MAX: variants seen among roughly 807,000 people sequenced by gnomAD.
MAX encodes the protein MYC associated transcriptional regulator X, also known as protein max.
Under a neutral mutation model 22.3 loss-of-function variants are expected in MAX, and 3 were observed. That is an observed-to-expected ratio of 0.13 (90% CI 0.06 to 0.35). The LOEUF (loss-of-function observed/expected upper bound fraction) is 0.35. Ranked by LOEUF, MAX falls within the 10% of genes least tolerant of loss-of-function variation. The pLI is 1.00. For synonymous variants in MAX, 72 were observed against 77.7 expected (o/e 0.93, Z 0.39); for missense variants, 119 against 209.4 (o/e 0.57, Z 2.66).
chr14:65,077,632 C>T lies in MAX; in HGVS notation c.295+281G>A, dbSNP rs2063094526. On this transcript the variant is annotated intron_variant, in intron 4 of 4. Coordinates refer to ENST00000358664, the MANE Select transcript of MAX (RefSeq NM_002382.5). The surrounding 1 kb of genome is among the most constrained non-coding windows in gnomAD (Gnocchi z 6.3). Reference sequence around the variant, plus strand: ...CTGATGCCAGGTGTGATCCCTACTGCAGGCAGAGCACCTGAGCCCCAAGAA... The same window carrying T: ...CTGATGCCAGGTGTGATCCCTACTGTAGGCAGAGCACCTGAGCCCCAAGAA... 2 of 1,225,920 alleles carry T rather than the reference C, an allele frequency of 1.6e-6. No homozygotes were observed. Among genetic ancestry groups the T allele is most frequent in the African/African-American group, 3.0e-5 (2 of 66,618 alleles). The allele number at this position is 1,225,920 out of a possible 1,614,324, so 75.9% of individuals were successfully genotyped here.
In MAX at chr14:65,032,669, T is replaced by C. The variant is rs755355580; in HGVS notation, c.172-26385A>G. 1 of 1,613,740 alleles carries C rather than the reference T, an allele frequency of 6.2e-7. No individual in the cohort carries two copies. The highest frequency in any genetic ancestry group is 1.3e-5 in the African/African-American group (1 of 74,896). ...ACCAACATCATCACTCCAGACCTCTTTGAGGGCACTGCTGAATGGATAGCA... is the reference window on the plus strand; with the variant it reads ...ACCAACATCATCACTCCAGACCTCTCTGAGGGCACTGCTGAATGGATAGCA... On this transcript the variant is annotated intron_variant, in intron 3 of 3. Transcript: ENST00000341653. The surrounding 1 kb of genome is among the most constrained non-coding windows in gnomAD (Gnocchi z 5.0).
At chr14:65,067,397 G>A (rs919681625) in intron 3 of MAX, among the ~76,000 whole-genome samples, 26 of 152,008 alleles carry the variant, frequency 1.7e-4, no homozygotes, top group Admixed American at 1.7e-3. Context: ...AATTCCCCTA[G>A]TTTTTACCTA....
chr14:65,060,647 G>C (rs1446841315), intron 3 of MAX, among the ~76,000 whole-genome samples: 2 of 96,456 alleles, frequency 2.1e-5, no homozygotes, highest in Admixed American at 9.1e-5. Flanking sequence ...AGTGAGCCGA[G>C]ATCCCGCCAC....
intron 3 of MAX, among the ~76,000 whole-genome samples, chr14:65,090,827 T>G (rs1372831521): frequency 6.6e-6 from 1 of 152,192 alleles, no homozygotes; most frequent in African/African-American, 2.4e-5. Context: ...ATGTTTAATT[T>G]ATAGTAGAAA....
chr14:65,052,140 C>T (rs1408519831), intron 3 of MAX, among the ~76,000 whole-genome samples: 3 of 152,058 alleles, frequency 2.0e-5, no homozygotes, highest in African/African-American at 7.2e-5. Context: ...ATTTTTAGCT[C>T]AGTTCTTTTT....
At position 65,084,315 on chromosome 14, in the gene MAX, G is replaced by A. The variant is rs763615840; in HGVS notation, c.172-6279C>T. ...GGAAATAGAGCTAGTAAATAAACAT[G>A]TGGAAAAGCAATTAATTTCACAAGT... On this transcript the variant is annotated intron_variant, in intron 3 of 4. Coordinates refer to ENST00000358664, the MANE Select transcript of MAX (RefSeq NM_002382.5). This position sits in a 1 kb window ranked among gnomAD's most constrained non-coding sequence, Gnocchi z 4.3. 7.2e-7 allele frequency: 1 copy of A among 1,381,380 alleles called. No individual in the cohort carries two copies. The highest frequency in any genetic ancestry group is 1.2e-5 in the South Asian group (1 of 86,424). The allele number at this position is 1,381,380 out of a possible 1,614,324, so 85.6% of individuals were successfully genotyped here.
rs1230628682 is a variant in MAX at position 65,012,377 on chromosome 14, A to G, written c.172-6093T>C. On this transcript the variant is annotated intron_variant, in intron 3 of 3. Transcript: ENST00000341653. This position sits in a 1 kb window ranked among gnomAD's most constrained non-coding sequence, Gnocchi z 5.0. ...TGAAAAGAGGCCTTCGACAACTGAC[A>G]GATGCCTATGAGGTAAACACATTAC... 6.2e-7 allele frequency: 1 copy of G among 1,614,194 alleles called. No homozygotes were observed. The highest frequency in any genetic ancestry group is 8.5e-7 in the Non-Finnish European group (1 of 1,179,986).
chr14:65,050,496 C>G (rs2062582637), intron 3 of MAX, among the ~76,000 whole-genome samples: 1 of 152,128 alleles, frequency 6.6e-6, no homozygotes, highest in Non-Finnish European at 1.5e-5. Flanking sequence ...GAGGCTGAGA[C>G]AGGAGAATGA....
intron 3 of MAX, among the ~76,000 whole-genome samples, chr14:65,080,640 T>A (rs999501392): frequency 6.6e-6 from 1 of 152,252 alleles, no homozygotes; most frequent in African/African-American, 2.4e-5. Context: ...AGACCCCATC[T>A]AGCCCTCCAA....
chr14:65,095,649 GT>G (rs1323749299), intron 2 of MAX, among the ~76,000 whole-genome samples: 1 of 152,092 alleles, frequency 6.6e-6, no homozygotes, highest in African/African-American at 2.4e-5. Flanking sequence ...TGCGGCTCCT[GT>G]TTGCTATATA....
At chr14:65,100,925 A>G (rs566995677) in intron 2 of MAX, among the ~76,000 whole-genome samples, 9 of 152,376 alleles carry the variant, frequency 5.9e-5, no homozygotes, top group African/African-American at 1.9e-4. Flanking sequence ...TGTCTCTGCA[A>G]TGCCACTTTT....
rs369252718 is a variant in MAX, at chr14:65,009,548, G to T, written c.172-3264C>A. Reference sequence around the variant, plus strand: ...GCTAGCTTCGTACCCATCATTTCTCGCTCAAAGAATGCAGCATCCTTCCTT... The same window carrying T: ...GCTAGCTTCGTACCCATCATTTCTCTCTCAAAGAATGCAGCATCCTTCCTT... On this transcript the variant is annotated intron_variant, in intron 3 of 3. Transcript: ENST00000341653. This position sits in a 1 kb window ranked among gnomAD's most constrained non-coding sequence, Gnocchi z 4.2. Among the ~76,000 whole-genome samples, 7 of 151,846 alleles carry T rather than the reference G, an allele frequency of 4.6e-5. No individual in the cohort carries two copies. Among genetic ancestry groups the T allele is most frequent in the Admixed American group, 1.3e-4 (2 of 15,228 alleles).
At chr14:65,070,525 G>A (rs1208937702), downstream of MAX, among the ~76,000 whole-genome samples, 1 of 152,238 alleles carries the variant, frequency 6.6e-6, no homozygotes, top group Non-Finnish European at 1.5e-5. This position sits in a 1 kb window ranked among gnomAD's most constrained non-coding sequence, Gnocchi z 4.4. Flanking sequence ...CTGGCATCTA[G>A]CACAGGGCGC....
At chr14:65,081,314 C>T (rs2063193776) in intron 3 of MAX, among the ~76,000 whole-genome samples, 1 of 152,026 alleles carries the variant, frequency 6.6e-6, no homozygotes, top group African/African-American at 2.4e-5. Flanking sequence ...ACAGAAATAC[C>T]CCAAATTTGC....
Position 65,079,078 on chromosome 14 carries a change from C to CA in MAX, c.172-1043dup, listed in dbSNP as rs1302278092. 1.3e-5 allele frequency among the ~76,000 whole-genome samples: 2 copies of CA among 152,196 alleles called. No individual in the cohort carries two copies. The highest frequency in any genetic ancestry group is 2.9e-5 in the Non-Finnish European group (2 of 68,040). On this transcript the variant is annotated intron_variant, in intron 3 of 4. Coordinates refer to ENST00000358664, the MANE Select transcript of MAX (RefSeq NM_002382.5). The surrounding 1 kb of genome is among the most constrained non-coding windows in gnomAD (Gnocchi z 4.5). Reference sequence around the variant, plus strand: ...TCTTTAGCTTGGCTATGTCTGGAAACATTAAAATACTACTTAAATGAAAGC... The same window carrying CA: ...TCTTTAGCTTGGCTATGTCTGGAAACAATTAAAATACTACTTAAATGAAAGC...
At chr14:65,101,204 C>A (rs1475285170) in intron 2 of MAX, among the ~76,000 whole-genome samples, 1 of 152,236 alleles carries the variant, frequency 6.6e-6, no homozygotes, top group African/African-American at 2.4e-5. Flanking sequence ...CTTCTGACCA[C>A]TTTGCCCTGA....
chr14:65,012,260 G>T lies in MAX; in HGVS notation c.172-5976C>A. Reference sequence around the variant, plus strand: ...CGTGTGTGTGTACGTGCACATACGTGTGTATGGTGGAAGCATAAGCTATTA... The same window carrying T: ...CGTGTGTGTGTACGTGCACATACGTTTGTATGGTGGAAGCATAAGCTATTA... On this transcript the variant is annotated intron_variant, in intron 3 of 3. Transcript: ENST00000341653. This position sits in a 1 kb window ranked among gnomAD's most constrained non-coding sequence, Gnocchi z 5.0. 2 of 1,601,154 alleles carry T rather than the reference G, an allele frequency of 1.2e-6. No homozygotes were observed. The highest frequency in any genetic ancestry group is 1.7e-6 in the Non-Finnish European group (2 of 1,168,676).
At position 65,090,806 on chromosome 14, in the gene MAX, C is replaced by T. The variant is rs140811562; in HGVS notation, c.171+2902G>A. On this transcript the variant is annotated intron_variant, in intron 3 of 4. Coordinates refer to ENST00000358664, the MANE Select transcript of MAX (RefSeq NM_002382.5). Reference sequence around the variant, plus strand: ...GCATCAGCCACCATGCCCAGCCAACCATTTTTTAAAATGTTTAATTTATAG... The same window carrying T: ...GCATCAGCCACCATGCCCAGCCAACTATTTTTTAAAATGTTTAATTTATAG... Among the ~76,000 whole-genome samples, 101 of 152,296 alleles carry T rather than the reference C, an allele frequency of 6.6e-4. No individual in the cohort carries two copies. In the East Asian group the frequency reaches 0.018, roughly 27 times the overall value.
intron 3 of MAX, among the ~76,000 whole-genome samples, chr14:65,087,597 T>C (rs1330085178): frequency 2.6e-5 from 4 of 152,178 alleles, no homozygotes; most frequent in African/African-American, 9.7e-5. Context: ...TTTTGACCGA[T>C]TTCTCCCATT....
Sources: allele counts gnomAD v4.1 joint callset (sites outside exome capture counted in the v4.1 genomes callset), GRCh38; gene constraint gnomAD v4.1.1; non-coding constraint Gnocchi (gnomAD v3.1); transcripts MANE v1.5; gene names NCBI Gene and HGNC (gene_info 2026-07-23, HGNC 2026-07-21).